Variants in KIAA1549 observed in about 807,000 individuals in gnomAD.
The protein encoded by KIAA1549 is UPF0606 protein KIAA1549.
In KIAA1549, 70 loss-of-function variants were observed where a neutral mutation model predicts 156.4. The observed-to-expected ratio is 0.45, with a 90% CI of 0.37 to 0.55. The LOEUF is 0.55. Among genes scored for constraint, KIAA1549 ranks in the 20% least tolerant of loss-of-function variants. The probability of loss-of-function intolerance (pLI) is 0.00; values close to 1 mark genes in which losing one functional copy is unlikely to be tolerated. For missense variants in KIAA1549, 2,428 were observed against 2,540.9 expected (o/e 0.96, Z 0.96); for synonymous variants, 1,103 against 1,066.4 (o/e 1.03, Z -0.67).
chr7:138,850,511 GT>G (rs1369762824), intron 17 of KIAA1549, among the ~76,000 whole-genome samples: 2 of 152,060 alleles, frequency 1.3e-5, no homozygotes, highest in African/African-American at 2.4e-5. Context: ...AACTGTCTGT[GT>G]CCTTTGCCCA....
intron 8 of KIAA1549, among the ~76,000 whole-genome samples, chr7:138,900,713 T>C (rs180775937): frequency 8.4e-4 from 128 of 152,326 alleles, no homozygotes; most frequent in Middle Eastern, 6.8e-3. Context: ...GCTCTACTAG[T>C]TCCTGAGAGA....
chr7:138,884,634 A>G (rs1811339575), intron 10 of KIAA1549, among the ~76,000 whole-genome samples: 1 of 152,234 alleles, frequency 6.6e-6, no homozygotes. Flanking sequence ...TGTTTAATTA[A>G]CCCGGTATAA....
intron 9 of KIAA1549, among the ~76,000 whole-genome samples, chr7:138,895,631 G>T (rs1040992097): frequency 6.6e-6 from 1 of 152,084 alleles, no homozygotes; most frequent in African/African-American, 2.4e-5. Flanking sequence ...GGATAGTGGT[G>T]ATGGTTACAC....
At chr7:138,931,401 T>G (rs58120048) in intron 1 of KIAA1549, among the ~76,000 whole-genome samples, 37,094 of 152,058 alleles carry the variant, frequency 0.24, 5,832 homozygotes, top group African/African-American at 0.45. Flanking sequence ...CAGTTATAAC[T>G]TCTCCAGTTC....
At chr7:138,897,187 T>C (rs1008112991) in intron 9 of KIAA1549, among the ~76,000 whole-genome samples, 6 of 152,242 alleles carry the variant, frequency 3.9e-5, no homozygotes, top group South Asian at 4.1e-4. Flanking sequence ...CAATCAGGAA[T>C]CGCATATATG....
intron 8 of KIAA1549, among the ~76,000 whole-genome samples, chr7:138,902,530 G>A (rs1811871413): frequency 1.3e-5 from 2 of 152,162 alleles, no homozygotes; most frequent in Admixed American, 1.3e-4. Flanking sequence ...ATTAATGACA[G>A]CCCCAACCTC....
intron 19 of KIAA1549, 47 bp from the exon 20 acceptor site, chr7:138,838,207 C>A: frequency 4.2e-6 from 6 of 1,440,392 alleles, no homozygotes; most frequent in Non-Finnish European, 5.4e-6. Flanking sequence ...AAGAATAAGC[C>A]GAAACATCAA....
Position 138,916,823 on chromosome 7 carries a change from T to G in KIAA1549, c.2803A>C (p.Thr935Pro). Reference protein sequence around the residue: ...TAFTLEATVDTPTLATAKPPY... With the variant: ...TAFTLEATVDPPTLATAKPPY... The stretch of plus-strand genomic sequence containing the variant: ...GGCTTGGCAGTAGCCAGTGTTGGTG[T>G]GTCGACTGTTGCTTCGAGAGTGAAG... The change falls in exon 2 of 20, where the codon ACA becomes CCA. Residue 935 changes from threonine to proline, a missense_variant. Physicochemically the swap from Thr to Pro is conservative, Grantham distance 38. Transcript: ENST00000422774. The G allele has an allele frequency of 6.2e-7, 1 of 1,613,948 alleles. No homozygotes were observed. Among genetic ancestry groups the G allele is most frequent in the South Asian group, 1.1e-5 (1 of 91,046 alleles).
At chr7:138,888,002 T>C (rs1222963510) in intron 10 of KIAA1549, among the ~76,000 whole-genome samples, 2 of 152,204 alleles carry the variant, frequency 1.3e-5, no homozygotes, top group East Asian at 1.9e-4. Flanking sequence ...GCCAAGGGCA[T>C]TGTCTCATTT....
intron 14 of KIAA1549, 73 bp from the exon 15 acceptor site, chr7:138,868,201 A>G: frequency 1.5e-6 from 2 of 1,378,778 alleles, no homozygotes; most frequent in Non-Finnish European, 2.0e-6. Context: ...CTAAACACTA[A>G]GTACCCTGAG....
chr7:138,868,928 C>T (rs966589532), intron 14 of KIAA1549, among the ~76,000 whole-genome samples: 2 of 152,174 alleles, frequency 1.3e-5, no homozygotes, highest in African/African-American at 4.8e-5. Context: ...GACGGGAGCA[C>T]AGGACCCACC....
At chr7:138,941,280 T>C (rs574900058) in intron 1 of KIAA1549, among the ~76,000 whole-genome samples, 15 of 152,246 alleles carry the variant, frequency 9.9e-5, no homozygotes, top group Non-Finnish European at 2.1e-4. Flanking sequence ...CCTGTGAATA[T>C]ATTAAAGTCC....
chr7:138,972,844 T>C (rs1218182246), intron 1 of KIAA1549, among the ~76,000 whole-genome samples: 2 of 152,166 alleles, frequency 1.3e-5, no homozygotes, highest in Non-Finnish European at 2.9e-5. Context: ...GTTTTTGAGA[T>C]AGAGTGTCGC....
rs191565282 is a variant in KIAA1549, at chr7:138,903,582, G to A, written c.3669+6C>T. ...CTCCTTCCCCTCCTCCTTTGATGTG[G>A]AGTACCTGCACCACACTGTTCCCTG... On this transcript the variant is annotated splice_donor_region_variant and intron_variant, in intron 8 of 19. Coordinates refer to ENST00000422774, the MANE Select transcript of KIAA1549 (RefSeq NM_001164665.2). The A allele has an allele frequency of 9.5e-5, 154 of 1,612,732 alleles. No homozygotes were observed. In the African/African-American group the frequency reaches 1.9e-3, roughly 20 times the overall value.
At chr7:138,954,097 CAAG>C (rs780837505) in intron 1 of KIAA1549, among the ~76,000 whole-genome samples, 4 of 152,176 alleles carry the variant, frequency 2.6e-5, no homozygotes, top group Non-Finnish European at 4.4e-5. Context: ...GATATACGCA[CAAG>C]AAGTTAGATT....
chr7:138,914,958 C>T (rs950947929), intron 2 of KIAA1549, among the ~76,000 whole-genome samples: 1 of 152,132 alleles, frequency 6.6e-6, no homozygotes, highest in Non-Finnish European at 1.5e-5. Context: ...CAATTTTGTA[C>T]CTACTTTGTA....
intron 12 of KIAA1549, among the ~76,000 whole-genome samples, chr7:138,877,413 G>C (rs566923302): frequency 7.7e-4 from 117 of 152,266 alleles, no homozygotes; most frequent in African/African-American, 2.5e-3. Context: ...AGAATCGTTT[G>C]AGCCTGGGAG....
At chr7:138,877,800 A>G (rs1359610958) in intron 12 of KIAA1549, among the ~76,000 whole-genome samples, 1 of 152,162 alleles carries the variant, frequency 6.6e-6, no homozygotes, top group African/African-American at 2.4e-5. Context: ...TTCACATTCA[A>G]GCTCTCGGTC....
At chr7:138,857,964 T>C (rs943848532) in intron 16 of KIAA1549, among the ~76,000 whole-genome samples, 2 of 150,774 alleles carry the variant, frequency 1.3e-5, no homozygotes, top group African/African-American at 5.0e-5. Flanking sequence ...TGCCCTTTAA[T>C]AGGGGTGTTT....
Sources: allele counts gnomAD v4.1 joint callset (sites outside exome capture counted in the v4.1 genomes callset), GRCh38; gene constraint gnomAD v4.1.1; transcripts MANE v1.5; gene names NCBI Gene and HGNC (gene_info 2026-07-23, HGNC 2026-07-21).